DRC11: variants seen among roughly 807,000 people sequenced by gnomAD.
DRC11 encodes dynein regulatory complex subunit 11.
At chr2:236,456,025 C>T in the DRC11 span, among the ~76,000 whole-genome samples, 10 of 152,294 alleles carry the variant, frequency 6.6e-5, no homozygotes, top group East Asian at 1.9e-3. This position sits in a 1 kb window ranked among gnomAD's most constrained non-coding sequence, Gnocchi z 5.4. Flanking sequence ...AGCATTTTGA[C>T]TGTGGGAGCC....
the DRC11 span, among the ~76,000 whole-genome samples, chr2:236,447,766 C>T: frequency 2.0e-5 from 3 of 151,988 alleles, no homozygotes; most frequent in South Asian, 2.1e-4. The surrounding 1 kb of genome is among the most constrained non-coding windows in gnomAD (Gnocchi z 4.6). Context: ...CATGTGACCA[C>T]GTGATGAGTT....
the DRC11 span, among the ~76,000 whole-genome samples, chr2:236,445,499 C>CT: frequency 2.3e-3 from 327 of 144,348 alleles, 4 homozygotes; most frequent in Admixed American, 0.011. The surrounding 1 kb of genome is among the most constrained non-coding windows in gnomAD (Gnocchi z 4.8). Context: ...TGCTTGACTA[C>CT]TTTTTTTTTT....
At chr2:236,463,437 T>C in the DRC11 span, among the ~76,000 whole-genome samples, 1 of 152,178 alleles carries the variant, frequency 6.6e-6, no homozygotes, top group Non-Finnish European at 1.5e-5. The surrounding 1 kb of genome is among the most constrained non-coding windows in gnomAD (Gnocchi z 5.0). Context: ...AAAATATACC[T>C]GATAAATAAG....
the DRC11 span, among the ~76,000 whole-genome samples, chr2:236,488,887 G>A: frequency 6.6e-6 from 1 of 152,180 alleles, no homozygotes. Flanking sequence ...CAAGAACAAA[G>A]GGCTCCGGGT....
At chr2:236,459,388 T>C in the DRC11 span, among the ~76,000 whole-genome samples, 3 of 151,750 alleles carry the variant, frequency 2.0e-5, no homozygotes, top group East Asian at 5.8e-4. Flanking sequence ...AAAACAAAGA[T>C]AGTTCTCCTT....
At chr2:236,457,503 T>G in the DRC11 span, among the ~76,000 whole-genome samples, 1 of 152,200 alleles carries the variant, frequency 6.6e-6, no homozygotes, top group Non-Finnish European at 1.5e-5. The surrounding 1 kb of genome is among the most constrained non-coding windows in gnomAD (Gnocchi z 4.7). Context: ...TTGAGAGTTG[T>G]AGTAGACACT....
the DRC11 span, among the ~76,000 whole-genome samples, chr2:236,357,520 TTATA>T: frequency 1.6e-5 from 2 of 125,276 alleles, no homozygotes; most frequent in Admixed American, 8.4e-5. Flanking sequence ...ATAAATATAT[TTATA>T]TATTATGAAT....
the DRC11 span, among the ~76,000 whole-genome samples, chr2:236,394,932 A>G: frequency 1.3e-5 from 2 of 152,222 alleles, no homozygotes; most frequent in African/African-American, 2.4e-5. This position sits in a 1 kb window ranked among gnomAD's most constrained non-coding sequence, Gnocchi z 7.0. Flanking sequence ...GTGGTGGCGC[A>G]AGGGCAGTTG....
At chr2:236,419,197 T>C in the DRC11 span, 2 of 1,545,506 alleles carry the variant, frequency 1.3e-6, no homozygotes, top group Non-Finnish European at 1.7e-6. The surrounding 1 kb of genome is among the most constrained non-coding windows in gnomAD (Gnocchi z 4.8). Context: ...CTTTCTTGGG[T>C]TGTTTTTCCT....
chr2:236,441,149 A>C, the DRC11 span: 1 of 1,468,454 alleles, frequency 6.8e-7, no homozygotes, highest in African/African-American at 1.4e-5. Flanking sequence ...ATAGCAAATT[A>C]AAATGGAAAT....
chr2:236,478,262 C>T, the DRC11 span, among the ~76,000 whole-genome samples: 1 of 152,058 alleles, frequency 6.6e-6, no homozygotes, highest in Non-Finnish European at 1.5e-5. The surrounding 1 kb of genome is among the most constrained non-coding windows in gnomAD (Gnocchi z 5.9). Context: ...TCATTTGTTT[C>T]AGGAACTTTT....
At chr2:236,500,118 T>C in the DRC11 span, among the ~76,000 whole-genome samples, 107 of 150,474 alleles carry the variant, frequency 7.1e-4, 1 homozygote, top group African/African-American at 2.3e-3. The surrounding 1 kb of genome is among the most constrained non-coding windows in gnomAD (Gnocchi z 6.3). Flanking sequence ...ATGATGATGA[T>C]GGCGAAGGTA....
the DRC11 span, chr2:236,503,540 G>A: frequency 1.1e-5 from 13 of 1,234,954 alleles, no homozygotes; most frequent in South Asian, 1.7e-4. The surrounding 1 kb of genome is among the most constrained non-coding windows in gnomAD (Gnocchi z 4.9). Context: ...AGTCTGTCTG[G>A]GGAATCCCTG....
At chr2:236,350,678 T>C in the DRC11 span, among the ~76,000 whole-genome samples, 3 of 152,198 alleles carry the variant, frequency 2.0e-5, no homozygotes, top group Non-Finnish European at 4.4e-5. The surrounding 1 kb of genome is among the most constrained non-coding windows in gnomAD (Gnocchi z 5.2). Flanking sequence ...AGCCCTTGCA[T>C]GGACCAGGCG....
chr2:236,363,966 C>A, the DRC11 span: 2 of 1,613,866 alleles, frequency 1.2e-6, no homozygotes, highest in South Asian at 2.2e-5. This position sits in a 1 kb window ranked among gnomAD's most constrained non-coding sequence, Gnocchi z 5.6. Context: ...CTTTCTCATG[C>A]ACTGCTGCAG....
At chr2:236,405,706 G>A in the DRC11 span, among the ~76,000 whole-genome samples, 5 of 152,108 alleles carry the variant, frequency 3.3e-5, no homozygotes, top group African/African-American at 4.8e-5. This position sits in a 1 kb window ranked among gnomAD's most constrained non-coding sequence, Gnocchi z 4.6. Context: ...TTTCTCCAAG[G>A]AGGATACATT....
chr2:236,408,717 G>C, the DRC11 span: 1 of 709,426 alleles, frequency 1.4e-6, no homozygotes, highest in East Asian at 2.6e-5. This position sits in a 1 kb window ranked among gnomAD's most constrained non-coding sequence, Gnocchi z 5.5. Context: ...CCAGTTGTTA[G>C]AGAAGTGCTT....
the DRC11 span, among the ~76,000 whole-genome samples, chr2:236,345,741 G>C: frequency 6.6e-6 from 1 of 152,304 alleles, no homozygotes; most frequent in South Asian, 2.1e-4. Context: ...GCGAAGTTCA[G>C]GTATTTTTGC....
the DRC11 span, among the ~76,000 whole-genome samples, chr2:236,403,704 A>C: frequency 6.6e-6 from 1 of 151,786 alleles, no homozygotes; most frequent in East Asian, 1.9e-4. Context: ...TTGTGGCCTT[A>C]TCTTGATTTT....
Sources: allele counts gnomAD v4.1 joint callset (sites outside exome capture counted in the v4.1 genomes callset), GRCh38; gene constraint gnomAD v4.1.1; non-coding constraint Gnocchi (gnomAD v3.1); transcripts MANE v1.5; gene names NCBI Gene and HGNC (gene_info 2026-07-23, HGNC 2026-07-21).